Variants in APBA1 observed in about 807,000 individuals in gnomAD.
APBA1 encodes amyloid-beta A4 precursor protein-binding family A member 1.
APBA1 carries 55 observed loss-of-function variants against 86.6 expected under a neutral mutation model. The observed-to-expected ratio is 0.64, with a 90% confidence interval of 0.51 to 0.80. The LOEUF (loss-of-function observed/expected upper bound fraction) is 0.80. Among genes scored for constraint, APBA1 ranks in the 30% least tolerant of loss-of-function variants. The probability of loss-of-function intolerance (pLI) is 0.00; values close to 1 mark genes in which losing one functional copy is unlikely to be tolerated. For missense variants in APBA1, 1,090 were observed against 1,183.0 expected (o/e 0.92, Z 1.15); for synonymous variants, 511 against 493.9 (o/e 1.03, Z -0.46).
intron 1 of APBA1, among the ~76,000 whole-genome samples, chr9:69,552,343 C>T (rs947293376): frequency 1.1e-4 from 16 of 152,096 alleles, no homozygotes; most frequent in African/African-American, 2.7e-4. Context: ...TACCACAGAG[C>T]GAATGGAGAG....
At chr9:69,436,908 G>A (rs1197830366) in intron 11 of APBA1, among the ~76,000 whole-genome samples, 1 of 151,892 alleles carries the variant, frequency 6.6e-6, no homozygotes, top group Non-Finnish European at 1.5e-5. Context: ...TATTGGCTGT[G>A]GGTTTGTCAT....
chr9:69,652,822 T>C (rs1178474618), intron 1 of APBA1, among the ~76,000 whole-genome samples: 2 of 151,874 alleles, frequency 1.3e-5, no homozygotes, highest in African/African-American at 2.4e-5. Context: ...AATGAAACCC[T>C]GTCTCTACTA....
chr9:69,459,848 C>T (rs1403531075), intron 5 of APBA1, among the ~76,000 whole-genome samples: 1 of 152,254 alleles, frequency 6.6e-6, no homozygotes, highest in African/African-American at 2.4e-5. Flanking sequence ...AACAGTGCCT[C>T]ATACATTCTA....
chr9:69,661,615 A>T (rs1823753819), intron 1 of APBA1, among the ~76,000 whole-genome samples: 1 of 152,158 alleles, frequency 6.6e-6, no homozygotes, highest in Admixed American at 6.5e-5. Flanking sequence ...CATCCCCACA[A>T]AATTCATGTT....
chr9:69,450,433 G>A (rs1834987419), intron 9 of APBA1, among the ~76,000 whole-genome samples: 2 of 152,084 alleles, frequency 1.3e-5, no homozygotes, highest in Non-Finnish European at 2.9e-5. Context: ...TGCACTCTGG[G>A]GAGGCCTGCA....
chr9:69,672,585 C>G (rs554037504), upstream of APBA1, among the ~76,000 whole-genome samples: 1 of 149,830 alleles, frequency 6.7e-6, no homozygotes, highest in South Asian at 2.1e-4. Flanking sequence ...CGCTGATGTC[C>G]TCCGTGGGCC....
chr9:69,443,623 C>T lies in APBA1; in HGVS notation c.2182-2508G>A, dbSNP rs539032023. On this transcript the variant is annotated intron_variant, in intron 10 of 12. Coordinates refer to ENST00000265381, the MANE Select transcript of APBA1 (RefSeq NM_001163.4). Reference sequence around the variant, plus strand: ...GTAACTACCTGTCATTGAACACTCACTGTTATCTGGCATTAACCTGGAAAG... The same window carrying T: ...GTAACTACCTGTCATTGAACACTCATTGTTATCTGGCATTAACCTGGAAAG... Among the ~76,000 whole-genome samples the T allele has an allele frequency of 9.2e-5, 14 of 152,348 alleles. No individual in the cohort carries two copies. In the South Asian group the frequency reaches 2.9e-3, roughly 32 times the overall value.
chr9:69,662,168 T>C (rs1160554251), intron 1 of APBA1, among the ~76,000 whole-genome samples: 1 of 152,124 alleles, frequency 6.6e-6, no homozygotes, highest in East Asian at 1.9e-4. Flanking sequence ...GACCAGCAAC[T>C]GTCTGGGCCC....
intron 10 of APBA1, among the ~76,000 whole-genome samples, chr9:69,445,503 G>A (rs571493729): frequency 2.6e-4 from 39 of 152,258 alleles, no homozygotes; most frequent in African/African-American, 9.4e-4. Context: ...GAAGAGGGGC[G>A]AAGAGAGAAA....
intron 1 of APBA1, among the ~76,000 whole-genome samples, chr9:69,654,278 A>G (rs566995704): frequency 6.6e-6 from 1 of 152,234 alleles, no homozygotes; most frequent in African/African-American, 2.4e-5. Context: ...GCAGAAATAA[A>G]CAAATCCTTA....
At chr9:69,496,497 G>T (rs1351187099) in intron 2 of APBA1, among the ~76,000 whole-genome samples, 1 of 152,070 alleles carries the variant, frequency 6.6e-6, no homozygotes, top group African/African-American at 2.4e-5. Context: ...GGCCAAAGTG[G>T]GAAACGGGGC....
At chr9:69,666,055 TTCATC>T (rs1166518985) in intron 1 of APBA1, among the ~76,000 whole-genome samples, 2 of 152,210 alleles carry the variant, frequency 1.3e-5, no homozygotes, top group African/African-American at 2.4e-5. Flanking sequence ...ATTGAGGATA[TTCATC>T]TTTATATAAA....
chr9:69,672,372 G>A (rs1004901989), upstream of APBA1: 100 of 154,142 alleles, frequency 6.5e-4, no homozygotes, highest in Admixed American at 9.8e-4. Context: ...CCGGTCTCGC[G>A]GCCCCACCCC....
chr9:69,511,045 T>C (rs1836028140), intron 2 of APBA1, among the ~76,000 whole-genome samples: 1 of 151,570 alleles, frequency 6.6e-6, no homozygotes, highest in Non-Finnish European at 1.5e-5. Flanking sequence ...CCAAAAGCAA[T>C]GGCAACAAAA....
chr9:69,505,950 C>T lies in APBA1; in HGVS notation c.1200+10061G>A, dbSNP rs556358968. The stretch of plus-strand genomic sequence containing the variant: ...AGGAGAATTGCTTGAGCCTGGGAGG[C>T]GGAGGTTGCAGTGAGCCAAGATCGC... On this transcript the variant is annotated intron_variant, in intron 2 of 12. Coordinates refer to ENST00000265381, the MANE Select transcript of APBA1 (RefSeq NM_001163.4). Among the ~76,000 whole-genome samples, 16 of 151,414 alleles carry T rather than the reference C, an allele frequency of 1.1e-4. No homozygotes were observed. In the East Asian group the frequency reaches 1.6e-3, roughly 15 times the overall value.
chr9:69,515,348 G>A (rs534601592), intron 2 of APBA1, among the ~76,000 whole-genome samples: 2 of 152,116 alleles, frequency 1.3e-5, no homozygotes, highest in South Asian at 2.1e-4. Flanking sequence ...AACCACTCCT[G>A]AGAAAACGCT....
Position 69,431,197 on chromosome 9 carries a change from C to A in APBA1, c.*130G>T. 2.6e-5 allele frequency: 13 copies of A among 490,888 alleles called. No homozygotes were observed. Among genetic ancestry groups the A allele is most frequent in the East Asian group, 8.9e-5 (2 of 22,410 alleles). The allele number at this position is 490,888 out of a possible 1,614,324, so 30.4% of individuals were successfully genotyped here. A position where few individuals can be genotyped will look rare whatever the true frequency, so the allele number is the denominator to read the frequency against. On this transcript the variant is annotated 3_prime_UTR_variant, in exon 13 of 13. Coordinates refer to ENST00000265381, the MANE Select transcript of APBA1 (RefSeq NM_001163.4). ...GAGAGTAAAGAGGTCCTTGTGGATT[C>A]TTCTCTTCCTGTGTAAAACCAAATG...
chr9:69,495,597 G>A (rs1334457531), intron 2 of APBA1, among the ~76,000 whole-genome samples: 2 of 152,066 alleles, frequency 1.3e-5, no homozygotes, highest in Non-Finnish European at 2.9e-5. Context: ...GCAGTCATGC[G>A]TCACTGCTGG....
intron 5 of APBA1, chr9:69,461,944 A>T (rs2133821558): frequency 6.6e-6 from 1 of 152,354 alleles, no homozygotes; most frequent in South Asian, 2.1e-4. Context: ...AAATGCTACA[A>T]CTTAGGCAAA....
Sources: allele counts gnomAD v4.1 joint callset (sites outside exome capture counted in the v4.1 genomes callset), GRCh38; gene constraint gnomAD v4.1.1; transcripts MANE v1.5; gene names NCBI Gene and HGNC (gene_info 2026-07-23, HGNC 2026-07-21).